Variants in GRIN2A observed in about 807,000 individuals in gnomAD.
The protein encoded by GRIN2A is glutamate ionotropic receptor NMDA type subunit 2A, also known as glutamate receptor ionotropic, NMDA 2A.
Under a neutral mutation model 113.4 loss-of-function variants are expected in GRIN2A, and 22 were observed. That is an observed-to-expected ratio of 0.19 (90% CI 0.14 to 0.28). The LOEUF (loss-of-function observed/expected upper bound fraction) is 0.28. Among genes scored for constraint, GRIN2A ranks in the 10% least tolerant of loss-of-function variants. The pLI is 1.00. For missense variants in GRIN2A, 1,502 were observed against 1,887.0 expected, an observed-to-expected ratio of 0.80 and a Z score of 3.78; for synonymous variants, 827 against 738.4, an observed-to-expected ratio of 1.12 and a Z score of -1.94.
intron 3 of GRIN2A, among the ~76,000 whole-genome samples, chr16:9,897,221 A>ATATGTACATATATTATATATAT (rs60188583): frequency 7.4e-5 from 11 of 149,266 alleles, no homozygotes; most frequent in African/African-American, 2.7e-4. Flanking sequence ...TTATATATAT[A>ATATGTACATATATTATATATAT]AAAAAATACA....
intron 12 of GRIN2A, 132 bp from the exon 13 acceptor site, chr16:9,765,080 G>A (rs1900832751): frequency 2.7e-6 from 3 of 1,106,772 alleles, no homozygotes; most frequent in Admixed American, 1.8e-5. Context: ...GCAAAATTCA[G>A]TCTGAATCCT....
intron 11 of GRIN2A, among the ~76,000 whole-genome samples, chr16:9,769,850 C>T (rs1482896431): frequency 6.6e-6 from 1 of 152,116 alleles, no homozygotes; most frequent in Non-Finnish European, 1.5e-5. Flanking sequence ...GTTTCTTTTT[C>T]TCTCTCTCTT....
chr16:9,999,378 G>T (rs574539994), intron 2 of GRIN2A, among the ~76,000 whole-genome samples: 1 of 152,334 alleles, frequency 6.6e-6, no homozygotes, highest in East Asian at 1.9e-4. Context: ...TAAAGAAAAT[G>T]TGGCACATAT....
chr16:10,098,957 G>T (rs1197681353), intron 2 of GRIN2A, among the ~76,000 whole-genome samples: 1 of 145,034 alleles, frequency 6.9e-6, no homozygotes, highest in Non-Finnish European at 1.5e-5. Context: ...AAAACCTATG[G>T]AAATTTTAGA....
At chr16:9,773,561 T>G (rs1198710078) in intron 11 of GRIN2A, among the ~76,000 whole-genome samples, 3 of 152,202 alleles carry the variant, frequency 2.0e-5, no homozygotes, top group Non-Finnish European at 2.9e-5. Context: ...TGGGAACAGA[T>G]GGAGCCTGGG....
intron 3 of GRIN2A, among the ~76,000 whole-genome samples, chr16:9,909,536 A>G (rs1040939177): frequency 1.3e-5 from 2 of 152,176 alleles, no homozygotes; most frequent in Non-Finnish European, 2.9e-5. Flanking sequence ...ATTTTACTTA[A>G]TTTCCATTTA....
intron 2 of GRIN2A, among the ~76,000 whole-genome samples, chr16:10,000,612 G>C (rs1398702219): frequency 3.2e-5 from 2 of 62,156 alleles, no homozygotes; most frequent in Admixed American, 1.7e-4. Context: ...AGAGAGAACA[G>C]TGTTCTGGGT....
chr16:9,757,985 C>A lies in GRIN2A; in HGVS notation c.*5164G>T. The A allele has an allele frequency of 4.6e-6, 1 of 218,858 alleles. No homozygotes were observed. Among genetic ancestry groups the A allele is most frequent in the Non-Finnish European group, 9.2e-6 (1 of 108,922 alleles). 13.6% of individuals were successfully genotyped at this position (218,858 alleles called of 1,614,324 possible). On this transcript the variant is annotated 3_prime_UTR_variant, in exon 13 of 13. Coordinates refer to ENST00000330684, the MANE Select transcript of GRIN2A (RefSeq NM_001134407.3). ...TGAAAGAAACCTAGAAATAAGTCAG[C>A]CCGGTCAGAGAATCGAGCCAGAAAT...
At chr16:9,997,343 T>C (rs2046242887) in intron 2 of GRIN2A, among the ~76,000 whole-genome samples, 1 of 152,240 alleles carries the variant, frequency 6.6e-6, no homozygotes, top group Admixed American at 6.5e-5. Context: ...GGTGTGATGA[T>C]AGGTCCATCC....
intron 2 of GRIN2A, among the ~76,000 whole-genome samples, chr16:9,981,811 C>A (rs1012155192): frequency 1.1e-4 from 17 of 152,200 alleles, no homozygotes; most frequent in African/African-American, 3.6e-4. Flanking sequence ...ATTTTTGAGA[C>A]AGTCTTGCTC....
chr16:10,034,760 G>C (rs1481589266), intron 2 of GRIN2A, among the ~76,000 whole-genome samples: 2 of 151,992 alleles, frequency 1.3e-5, no homozygotes, highest in East Asian at 1.9e-4. Context: ...TCCTGACATT[G>C]GTGTGACCCC....
At chr16:10,035,136 C>G (rs1450482959) in intron 2 of GRIN2A, among the ~76,000 whole-genome samples, 1 of 152,086 alleles carries the variant, frequency 6.6e-6, no homozygotes, top group Non-Finnish European at 1.5e-5. Context: ...AGTGAACCTC[C>G]TGCCTCAACC....
At chr16:10,073,751 GAAA>G (rs58500889) in intron 2 of GRIN2A, among the ~76,000 whole-genome samples, 3 of 141,240 alleles carry the variant, frequency 2.1e-5, no homozygotes, top group Non-Finnish European at 4.7e-5. Context: ...TAAAAATCCA[GAAA>G]AAAAAAAAAA....
rs753332062 is a variant in GRIN2A, at chr16:10,180,134, G to T, written c.278C>A (p.Ala93Glu). The T allele has an allele frequency of 6.2e-7, 1 of 1,614,240 alleles. No individual in the cohort carries two copies. The change falls in exon 2 of 13, where the codon GCA becomes GAA. Residue 93 changes from alanine to glutamate, a missense_variant. Physicochemically the swap from Ala to Glu is moderately radical, Grantham distance 107. This residue lies in a region of GRIN2A where 149 missense variants were observed against 179.1 expected (regional missense o/e 0.83). Coordinates refer to ENST00000330684, the MANE Select transcript of GRIN2A (RefSeq NM_001134407.3). The surrounding 1 kb of genome is among the most constrained non-coding windows in gnomAD (Gnocchi z 7.0). ...ITHVCDLMSG[A>E]RIHGLVFGDD... ...CCCAAACACGAGGCCGTGGATGCGT[G>T]CCCCGGACATGAGGTCGCACACGTG...
intron 3 of GRIN2A, among the ~76,000 whole-genome samples, chr16:9,913,674 C>T (rs1473387946): frequency 6.6e-6 from 1 of 152,110 alleles, no homozygotes; most frequent in Non-Finnish European, 1.5e-5. Context: ...GGCCTTGTAT[C>T]CTGGAAAAGA....
chr16:9,773,975 TTG>T (rs933165077), intron 11 of GRIN2A, among the ~76,000 whole-genome samples: 1 of 100,584 alleles, frequency 9.9e-6, no homozygotes, highest in Non-Finnish European at 2.3e-5. Flanking sequence ...TGAGGCAGTG[TTG>T]TGTGTGTGTG....
chr16:9,809,130 C>G (rs1264100879), intron 10 of GRIN2A, among the ~76,000 whole-genome samples: 4 of 152,088 alleles, frequency 2.6e-5, no homozygotes, highest in African/African-American at 9.7e-5. Flanking sequence ...TTAATATATA[C>G]AAATGCAGAC....
At chr16:10,017,729 G>A (rs529639178) in intron 2 of GRIN2A, among the ~76,000 whole-genome samples, 2 of 151,970 alleles carry the variant, frequency 1.3e-5, no homozygotes, top group South Asian at 2.1e-4. Flanking sequence ...ACTTCCTTTG[G>A]GTGCAACATT....
chr16:10,092,753 A>G (rs1435280629), intron 2 of GRIN2A, among the ~76,000 whole-genome samples: 1 of 152,186 alleles, frequency 6.6e-6, no homozygotes. Flanking sequence ...GATTCAAACT[A>G]AACGGTAACT....
Sources: allele counts gnomAD v4.1 joint callset (sites outside exome capture counted in the v4.1 genomes callset), GRCh38; gene constraint gnomAD v4.1.1; regional missense constraint gnomAD v4.1.1; non-coding constraint Gnocchi (gnomAD v3.1); transcripts MANE v1.5; gene names NCBI Gene and HGNC (gene_info 2026-07-23, HGNC 2026-07-21).